Variants in HECW1 observed in about 807,000 individuals in gnomAD.
HECW1 encodes HECT, C2 and WW domain containing E3 ubiquitin protein ligase 1.
In HECW1, 61 loss-of-function variants were observed where a neutral mutation model predicts 182.3. The ratio of observed to expected loss-of-function variants is 0.33; its 90% CI spans 0.27 to 0.41. The LOEUF (loss-of-function observed/expected upper bound fraction) is 0.41, where lower values mean the gene tolerates loss of function less well. Ranked by LOEUF, HECW1 falls within the 10% of genes least tolerant of loss-of-function variation. The pLI, the probability that HECW1 is intolerant of heterozygous loss-of-function variation, is 1.00. For synonymous variants in HECW1, 859 were observed against 832.6 expected (o/e 1.03, Z -0.55); for missense variants, 1,739 against 2,108.9 (o/e 0.82, Z 3.44).
At chr7:43,536,863 C>G (rs112673261) in intron 24 of HECW1, among the ~76,000 whole-genome samples, 9 of 152,302 alleles carry the variant, frequency 5.9e-5, no homozygotes, top group African/African-American at 2.2e-4. Flanking sequence ...CAGGACAACA[C>G]GGAGGAGCCA....
At chr7:43,374,496 A>G (rs2074239716) in intron 6 of HECW1, among the ~76,000 whole-genome samples, 1 of 152,168 alleles carries the variant, frequency 6.6e-6, no homozygotes, top group South Asian at 2.1e-4. Context: ...ACTTTTTAAA[A>G]CCCAGAAATC....
chr7:43,261,977 G>C (rs1217073123), intron 3 of HECW1, among the ~76,000 whole-genome samples: 1 of 151,924 alleles, frequency 6.6e-6, no homozygotes, highest in Non-Finnish European at 1.5e-5. Context: ...TCCCAGCTCT[G>C]TGTGAAGCCA....
chr7:43,156,216 A>G (rs1441701159), intron 2 of HECW1, among the ~76,000 whole-genome samples: 1 of 152,234 alleles, frequency 6.6e-6, no homozygotes, highest in East Asian at 1.9e-4. Flanking sequence ...TATTCTTTAC[A>G]ATACTTTAAG....
At chr7:43,237,761 G>A (rs941760501) in intron 2 of HECW1, among the ~76,000 whole-genome samples, 1 of 152,072 alleles carries the variant, frequency 6.6e-6, no homozygotes, top group African/African-American at 2.4e-5. Flanking sequence ...AAGAACACAA[G>A]CAAACCACCC....
intron 2 of HECW1, among the ~76,000 whole-genome samples, chr7:43,149,015 T>A (rs751865293): frequency 5.3e-5 from 8 of 151,904 alleles, no homozygotes; most frequent in Non-Finnish European, 8.8e-5. Context: ...TAGAAGAAAT[T>A]AAGGAAATAC....
At chr7:43,345,002 T>A (rs1420419653) in intron 5 of HECW1, among the ~76,000 whole-genome samples, 1 of 152,200 alleles carries the variant, frequency 6.6e-6, no homozygotes, top group East Asian at 1.9e-4. Flanking sequence ...TTATTTTGTA[T>A]AAGGGTTTAT....
chr7:43,470,800 C>T (rs1358433798), intron 16 of HECW1, among the ~76,000 whole-genome samples: 1 of 152,170 alleles, frequency 6.6e-6, no homozygotes, highest in Non-Finnish European at 1.5e-5. Flanking sequence ...CACACACATA[C>T]ACACACTCAT....
chr7:43,264,841 T>TC (rs1303724989), intron 3 of HECW1, among the ~76,000 whole-genome samples: 2 of 89,900 alleles, frequency 2.2e-5, no homozygotes, highest in African/African-American at 8.0e-5. Context: ...GAGACTCGGT[T>TC]TAAAAAAAAA....
intron 2 of HECW1, among the ~76,000 whole-genome samples, chr7:43,206,036 A>T (rs1795445774): frequency 6.6e-6 from 1 of 152,138 alleles, no homozygotes; most frequent in South Asian, 2.1e-4. Context: ...CTCCATAAGT[A>T]TACATTGTCT....
At chr7:43,301,716 T>C (rs1220454754) in intron 3 of HECW1, among the ~76,000 whole-genome samples, 1 of 151,800 alleles carries the variant, frequency 6.6e-6, no homozygotes, top group African/African-American at 2.4e-5. Context: ...CTACTAAAAA[T>C]ACAAAACAAT....
chr7:43,396,688 A>G (rs1489534297), intron 6 of HECW1, 126 bp from the exon 7 acceptor site: 1 of 652,610 alleles, frequency 1.5e-6, no homozygotes, highest in Non-Finnish European at 2.8e-6. Flanking sequence ...ATAGTTGCCC[A>G]GTGAAATCAC....
chr7:43,561,204 C>G (rs1349029866), intron 29 of HECW1, among the ~76,000 whole-genome samples: 1 of 152,218 alleles, frequency 6.6e-6, no homozygotes, highest in African/African-American at 2.4e-5. Flanking sequence ...AAGCTAGAAC[C>G]CCGGGCGCCA....
At position 43,417,028 on chromosome 7, in the gene HECW1, C is replaced by T. The variant is rs576879278; in HGVS notation, c.801+9297C>T. Among the ~76,000 whole-genome samples, 4 of 152,336 alleles carry T rather than the reference C, an allele frequency of 2.6e-5. No individual in the cohort carries two copies. In the East Asian group the frequency reaches 7.7e-4, roughly 29 times the overall value. ...TGGGAGCTGTAGACCGGAGCTGTTC[C>T]TATTCGGCCATCTTGGCTCCTCTCA... is the stretch of plus-strand genomic sequence containing the variant. On this transcript the variant is annotated intron_variant, in intron 8 of 29. Coordinates refer to ENST00000395891, the MANE Select transcript of HECW1 (RefSeq NM_015052.5).
intron 16 of HECW1, among the ~76,000 whole-genome samples, chr7:43,473,909 A>G (rs1028269882): frequency 2.6e-5 from 4 of 152,218 alleles, no homozygotes; most frequent in African/African-American, 9.6e-5. Context: ...CAAGTAAGTA[A>G]GTAAAGTAAA....
chr7:43,317,549 C>A (rs6973286), intron 4 of HECW1, among the ~76,000 whole-genome samples: 23,422 of 152,208 alleles, frequency 0.15, 5,830 homozygotes, highest in African/African-American at 0.53. Context: ...TGGATTTCTG[C>A]AGCTGACCCT....
chr7:43,181,696 A>G lies in HECW1; in HGVS notation c.-31-62179A>G, dbSNP rs117327935. 7.2e-4 allele frequency among the ~76,000 whole-genome samples: 108 copies of G among 150,944 alleles called. 2 individuals are homozygous for G. The East Asian group carries it at 9.4e-3, about 13-fold the overall frequency. On this transcript the variant is annotated intron_variant, in intron 2 of 29. Transcript: ENST00000395891. ...AATTGAATTATTTGGGTTCTTTGCT[A>G]TTGAGTTGTTTGAGTTCCTAATATA...
At chr7:43,255,968 TC>T (rs1800526078) in intron 3 of HECW1, among the ~76,000 whole-genome samples, 1 of 152,202 alleles carries the variant, frequency 6.6e-6, no homozygotes, top group African/African-American at 2.4e-5. Flanking sequence ...TCCAAGAAAA[TC>T]TGACCTAATT....
intron 17 of HECW1, among the ~76,000 whole-genome samples, chr7:43,482,895 ACT>A (rs1244625615): frequency 6.6e-6 from 1 of 152,158 alleles, no homozygotes; most frequent in African/African-American, 2.4e-5. Context: ...ACAGTGCAAG[ACT>A]CTGTCTCAAC....
chr7:43,443,957 C>T (rs1207473833), intron 10 of HECW1, among the ~76,000 whole-genome samples: 1 of 152,210 alleles, frequency 6.6e-6, no homozygotes, highest in African/African-American at 2.4e-5. Context: ...AGGCTTTGGG[C>T]ATTTTAACCA....
Sources: allele counts gnomAD v4.1 joint callset (sites outside exome capture counted in the v4.1 genomes callset), GRCh38; gene constraint gnomAD v4.1.1; transcripts MANE v1.5; gene names NCBI Gene and HGNC (gene_info 2026-07-23, HGNC 2026-07-21).